Variants in KCNMB2 observed in about 807,000 individuals in gnomAD.
The protein encoded by KCNMB2 is calcium-activated potassium channel subunit beta-2.
In KCNMB2, 9 loss-of-function variants were observed where a neutral mutation model predicts 24.5. The observed-to-expected ratio is 0.37, with a 90% confidence interval of 0.22 to 0.64. KCNMB2 has a LOEUF of 0.64. Ranked by LOEUF, KCNMB2 falls within the 30% of genes least tolerant of loss-of-function variation. The probability of loss-of-function intolerance (pLI) is 0.63; values close to 1 mark genes in which losing one functional copy is unlikely to be tolerated. For synonymous variants in KCNMB2, 109 were observed against 104.4 expected, an observed-to-expected ratio of 1.04 and a Z score of -0.27; for missense variants, 226 against 284.3, an observed-to-expected ratio of 0.79 and a Z score of 1.47.
chr3:178,760,094 A>C (rs1237611504), intron 1 of KCNMB2, among the ~76,000 whole-genome samples: 1 of 31,322 alleles, frequency 3.2e-5, no homozygotes, highest in East Asian at 6.7e-4. Context: ...GGATATATCT[A>C]TATATATATA....
intron 1 of KCNMB2, among the ~76,000 whole-genome samples, chr3:178,749,959 A>G (rs2108387390): frequency 6.6e-6 from 1 of 152,346 alleles, no homozygotes; most frequent in South Asian, 2.1e-4. Flanking sequence ...TTGAAGACAG[A>G]GGCTCTTTCC....
chr3:178,825,495 G>A, intron 2 of KCNMB2, 93 bp from the exon 3 acceptor site: 3 of 1,035,946 alleles, frequency 2.9e-6, no homozygotes, highest in Middle Eastern at 2.5e-4. Context: ...GGTTTGGAGG[G>A]CCCTAGGAAG....
chr3:178,586,635 C>T (rs1276861605), intron 1 of KCNMB2, among the ~76,000 whole-genome samples: 5 of 148,924 alleles, frequency 3.4e-5, no homozygotes, highest in Non-Finnish European at 5.9e-5. Flanking sequence ...ACCTCCGCCT[C>T]CCGGGTTCAA....
At chr3:178,788,836 G>A (rs1713209345) in intron 1 of KCNMB2, among the ~76,000 whole-genome samples, 2 of 152,182 alleles carry the variant, frequency 1.3e-5, no homozygotes, top group African/African-American at 2.4e-5. Flanking sequence ...TGTCTGACCT[G>A]CTTGTCTAGT....
At chr3:178,746,616 C>T (rs1723678109) in intron 1 of KCNMB2, among the ~76,000 whole-genome samples, 1 of 152,184 alleles carries the variant, frequency 6.6e-6, no homozygotes, top group African/African-American at 2.4e-5. Context: ...ATTTTCCAAA[C>T]TTCTATGCTC....
intron 1 of KCNMB2, among the ~76,000 whole-genome samples, chr3:178,740,310 C>T (rs1008313843): frequency 2.6e-5 from 4 of 151,830 alleles, no homozygotes; most frequent in Non-Finnish European, 5.9e-5. Flanking sequence ...TGAGTAGAGA[C>T]GGAGTTTCAC....
chr3:178,842,617 G>C, intron 4 of KCNMB2, 36 bp from the exon 5 acceptor site: 1 of 1,416,758 alleles, frequency 7.1e-7, no homozygotes, highest in East Asian at 2.3e-5. Flanking sequence ...AACACACATA[G>C]TATCTTCTAG....
intron 1 of KCNMB2, among the ~76,000 whole-genome samples, chr3:178,539,324 G>GA (rs1179159806): frequency 6.6e-6 from 1 of 152,036 alleles, no homozygotes. Flanking sequence ...ATGTGTGTAT[G>GA]AAAAAAACTA....
chr3:178,701,684 C>T (rs573892816), intron 1 of KCNMB2, among the ~76,000 whole-genome samples: 1 of 152,224 alleles, frequency 6.6e-6, no homozygotes, highest in South Asian at 2.1e-4. Context: ...TCATCACTGG[C>T]CATCAGAGAA....
intron 4 of KCNMB2, among the ~76,000 whole-genome samples, chr3:178,834,222 T>A (rs760087380): frequency 1.3e-5 from 2 of 152,182 alleles, no homozygotes; most frequent in Non-Finnish European, 2.9e-5. Context: ...CACTGCTAAC[T>A]CTGGGTGTGT....
At chr3:178,662,440 A>G (rs1041572542) in intron 1 of KCNMB2, among the ~76,000 whole-genome samples, 2 of 152,182 alleles carry the variant, frequency 1.3e-5, no homozygotes, top group African/African-American at 4.8e-5. Context: ...AAACAATGAT[A>G]CAGATCATTT....
chr3:178,683,859 G>A (rs1025279182), intron 1 of KCNMB2, among the ~76,000 whole-genome samples: 7 of 152,204 alleles, frequency 4.6e-5, no homozygotes, highest in African/African-American at 1.7e-4. Flanking sequence ...TTGTTGGTAG[G>A]AATGTAGATA....
At chr3:178,759,333 ATCTCCAAGAGGATATATATATATATAT>A (rs1711576403) in intron 1 of KCNMB2, among the ~76,000 whole-genome samples, 1 of 58,258 alleles carries the variant, frequency 1.7e-5, no homozygotes, top group African/African-American at 7.0e-5. Flanking sequence ...ATATATATAT[ATCTCCAAGAGGATATATATATATATAT>A]ATCTCCAAGA....
chr3:178,818,258 A>ATTTGTTTGTTTG (rs574098322), intron 2 of KCNMB2, among the ~76,000 whole-genome samples: 1 of 152,006 alleles, frequency 6.6e-6, no homozygotes, highest in South Asian at 2.1e-4. Flanking sequence ...ATCTAAATCT[A>ATTTGTTTGTTTG]TTTGTTTGTT....
At chr3:178,585,596 A>G (rs1467063911) in intron 1 of KCNMB2, among the ~76,000 whole-genome samples, 3 of 152,208 alleles carry the variant, frequency 2.0e-5, no homozygotes, top group Admixed American at 6.5e-5. Context: ...GTATTTGAAT[A>G]TACCAAGCCT....
At chr3:178,584,451 G>T (rs1328639744) in intron 1 of KCNMB2, among the ~76,000 whole-genome samples, 1 of 123,922 alleles carries the variant, frequency 8.1e-6, no homozygotes, top group Non-Finnish European at 1.7e-5. Context: ...CTCTCCAAAA[G>T]AAAAAGTTTG....
chr3:178,825,030 G>A (rs548743430), intron 2 of KCNMB2, among the ~76,000 whole-genome samples: 27 of 152,204 alleles, frequency 1.8e-4, no homozygotes, highest in Admixed American at 1.3e-3. Context: ...TCTTCACACT[G>A]CTTATCAATC....
At chr3:178,627,591 C>A (rs1215416141) in intron 1 of KCNMB2, among the ~76,000 whole-genome samples, 3 of 152,152 alleles carry the variant, frequency 2.0e-5, no homozygotes, top group African/African-American at 7.2e-5. Context: ...GTTCAGACAC[C>A]TTCTCAACTT....
At chr3:178,764,912 A>G (rs1712052910) in intron 1 of KCNMB2, among the ~76,000 whole-genome samples, 1 of 152,208 alleles carries the variant, frequency 6.6e-6, no homozygotes. Context: ...ACTCAGATAA[A>G]TGAACTAATA....
Sources: gnomAD v4.1 joint callset for allele counts (sites outside exome capture counted in the v4.1 genomes callset) on GRCh38, gnomAD v4.1.1 for gene constraint, MANE v1.5 for transcripts, NCBI Gene and HGNC (gene_info 2026-07-23, HGNC 2026-07-21) for gene names.